SLC27A4: variants seen among roughly 807,000 people sequenced by gnomAD.
SLC27A4 encodes the protein solute carrier family 27 member 4.
A neutral mutation model predicts 64.4 loss-of-function variants in SLC27A4; 33 were observed. The observed-to-expected ratio is 0.51, with a 90% CI of 0.39 to 0.68. SLC27A4 has a LOEUF of 0.68. SLC27A4 is among the 30% of genes least tolerant of loss of function. SLC27A4 has a pLI of 0.00. For missense variants in SLC27A4, 824 were observed against 883.5 expected (o/e 0.93, Z 0.85); for synonymous variants, 377 against 370.0 (o/e 1.02, Z -0.22).
At chr9:128,356,394 G>A (rs1021173728) in intron 12 of SLC27A4, among the ~76,000 whole-genome samples, 8 of 152,256 alleles carry the variant, frequency 5.3e-5, no homozygotes, top group African/African-American at 1.9e-4. Flanking sequence ...CAAGTGAGAG[G>A]GGCAGGCAGT....
intron 12 of SLC27A4, among the ~76,000 whole-genome samples, chr9:128,357,342 A>C (rs1377802144): frequency 6.6e-6 from 1 of 150,972 alleles, no homozygotes; most frequent in Non-Finnish European, 1.5e-5. Context: ...GAGACAGGAG[A>C]ATTGCTTGAA....
Position 128,355,466 on chromosome 9 carries a change from T to C in SLC27A4, c.1531T>C (p.Trp511Arg). 6.2e-7 allele frequency: 1 copy of C among 1,613,476 alleles called. No homozygotes were observed. The highest frequency in any genetic ancestry group is 8.5e-7 in the Non-Finnish European group (1 of 1,179,976). ...AGACCGCACTGGGGACACGTTCCGC[T>C]GGAAAGGTGAGAACGTGTCCACCAC... ...FRDRTGDTFR[W>R]KGENVSTTEV... The change falls in exon 11 of 13, where the codon TGG (tryptophan) becomes CGG (arginine). Residue 511 changes from tryptophan to arginine, a missense_variant. Transcript: ENST00000300456.
chr9:128,361,046 G>A lies in SLC27A4; in HGVS notation c.*555G>A. The A allele has an allele frequency of 6.1e-6, 1 of 164,960 alleles. No individual in the cohort carries two copies. The highest frequency in any genetic ancestry group is 1.3e-5 in the Non-Finnish European group (1 of 74,836). 10.2% of individuals were successfully genotyped at this position (164,960 alleles called of 1,614,324 possible). On this transcript the variant is annotated 3_prime_UTR_variant, in exon 13 of 13. Transcript: ENST00000300456. Reference sequence around the variant, plus strand: ...AGCAGGAGGTCAGGACCACGCCCCTGGCCTCTCCCCACTCCCCCATCCTCC... The same window carrying A: ...AGCAGGAGGTCAGGACCACGCCCCTAGCCTCTCCCCACTCCCCCATCCTCC...
At chr9:128,358,834 C>T (rs1832857876) in intron 12 of SLC27A4, among the ~76,000 whole-genome samples, 1 of 152,210 alleles carries the variant, frequency 6.6e-6, no homozygotes, top group Non-Finnish European at 1.5e-5. Flanking sequence ...CTCATCTCTG[C>T]TCCACGTGGC....
chr9:128,343,431 C>A, intron 2 of SLC27A4, 138 bp downstream of exon 2: 1 of 964,082 alleles, frequency 1.0e-6, no homozygotes, highest in Non-Finnish European at 1.6e-6. Context: ...GCAGCCTCTG[C>A]TCCACACCCG....
chr9:128,350,201 G>A (rs1043327372), intron 4 of SLC27A4, 111 bp from the exon 5 acceptor site: 1 of 819,548 alleles, frequency 1.2e-6, no homozygotes, highest in Non-Finnish European at 2.1e-6. Flanking sequence ...TCCTAGCAAG[G>A]GTGTGATGGG....
chr9:128,341,337 G>C (rs1309496266), intron 1 of SLC27A4, among the ~76,000 whole-genome samples: 1 of 152,182 alleles, frequency 6.6e-6, no homozygotes, highest in African/African-American at 2.4e-5. Flanking sequence ...AGTCCCATCA[G>C]ATGTCCCCTT....
chr9:128,350,596 C>T, intron 6 of SLC27A4, 21 bp downstream of exon 6: 1 of 1,573,368 alleles, frequency 6.4e-7, no homozygotes, highest in Non-Finnish European at 8.7e-7. Context: ...GGCTGTCACA[C>T]AGCCTCCAGC....
intron 12 of SLC27A4, among the ~76,000 whole-genome samples, chr9:128,356,968 C>T (rs1238440279): frequency 1.3e-5 from 2 of 151,988 alleles, no homozygotes; most frequent in Non-Finnish European, 2.9e-5. Context: ...GTGGTGGGCG[C>T]CTGTAGTCCC....
Position 128,345,066 on chromosome 9 carries a change from G to A in SLC27A4, c.162-89G>A. The A allele has an allele frequency of 2.6e-6, 4 of 1,543,928 alleles. No individual in the cohort carries two copies. The South Asian group carries it at 4.5e-5, about 18-fold the overall frequency. On this transcript the variant is annotated intron_variant, in intron 2 of 12. Transcript: ENST00000300456. This position sits in a 1 kb window ranked among gnomAD's most constrained non-coding sequence, Gnocchi z 4.1. The stretch of plus-strand genomic sequence containing the variant: ...TAGGGGGTCTGGCTCATGAAGCATA[G>A]GCTGGCGAGGCAGCAGCCTGGGGTA...
Position 128,361,221 on chromosome 9 carries a change from C to G in SLC27A4, c.*730C>G, listed in dbSNP as rs1439569651. On this transcript the variant is annotated 3_prime_UTR_variant, in exon 13 of 13. Coordinates refer to ENST00000300456, the MANE Select transcript of SLC27A4 (RefSeq NM_005094.4). ...CCAATAAACTCTGCCTTGAGTCCTCCTAGCCTGTGTGCAAACCACCCAAGC... is the reference window on the plus strand; with the variant it reads ...CCAATAAACTCTGCCTTGAGTCCTCGTAGCCTGTGTGCAAACCACCCAAGC... The G allele has an allele frequency of 6.5e-6, 1 of 154,066 alleles. No individual in the cohort carries two copies. Among genetic ancestry groups the G allele is most frequent in the Non-Finnish European group, 1.4e-5 (1 of 69,142 alleles). 9.5% of individuals were successfully genotyped at this position (154,066 alleles called of 1,614,324 possible).
chr9:128,349,379 C>T (rs1832702353), intron 4 of SLC27A4, among the ~76,000 whole-genome samples: 1 of 152,150 alleles, frequency 6.6e-6, no homozygotes, highest in African/African-American at 2.4e-5. Context: ...AGCCTCAGTT[C>T]CCACAGCCAT....
Position 128,350,488 on chromosome 9 carries a change from T to C in SLC27A4, c.790T>C (p.Tyr264His), listed in dbSNP as rs1393780849. The change falls in exon 6 of 13, where the codon TAC becomes CAC. Residue 264 changes from tyrosine to histidine, a missense_variant. Transcript: ENST00000300456. ...CTTGGCCCTGTGCCTTCCCAGGTAT[T>C]ACCGCATGGCTGCCCTGGTGTACTA... ...KAAIVVHSRY[Y>H]RMAALVYYGF... 1 of 1,614,072 alleles carries C rather than the reference T, an allele frequency of 6.2e-7. No homozygotes were observed. Among genetic ancestry groups the C allele is most frequent in the Non-Finnish European group, 8.5e-7 (1 of 1,179,950 alleles).
Position 128,345,036 on chromosome 9 carries a change from TGTTGTA to T in SLC27A4, c.162-117_162-112del. 1 of 1,182,732 alleles carries T rather than the reference TGTTGTA, an allele frequency of 8.5e-7. No individual in the cohort carries two copies. Among genetic ancestry groups the T allele is most frequent in the Non-Finnish European group, 1.2e-6 (1 of 821,634 alleles). 73.3% of individuals were successfully genotyped at this position (1,182,732 alleles called of 1,614,324 possible). ...CCCAGCAGGAGCCAGGAGATAGAAG[TGTTGTA>T]GGGGGTCTGGCTCATGAAGCATAGG... On this transcript the variant is annotated intron_variant, in intron 2 of 12. Transcript: ENST00000300456. This position sits in a 1 kb window ranked among gnomAD's most constrained non-coding sequence, Gnocchi z 4.1.
rs1206123934 is a variant in SLC27A4 at position 128,360,326 on chromosome 9, T to A, written c.1775-8T>A. Reference sequence around the variant, plus strand: ...CCCTGCACTGAGTCTTCTTCCCTGCTCTCCCAGGAACCTACAAGTTCCAGA... The same window carrying A: ...CCCTGCACTGAGTCTTCTTCCCTGCACTCCCAGGAACCTACAAGTTCCAGA... On this transcript the variant is annotated splice_region_variant and splice_polypyrimidine_tract_variant and intron_variant, in intron 12 of 12. Transcript: ENST00000300456. 5.0e-6 allele frequency: 8 copies of A among 1,613,734 alleles called. No individual in the cohort carries two copies. Among genetic ancestry groups the A allele is most frequent in the Non-Finnish European group, 6.8e-6 (8 of 1,180,000 alleles).
At chr9:128,356,730 T>C (rs1832825968) in intron 12 of SLC27A4, among the ~76,000 whole-genome samples, 1 of 149,116 alleles carries the variant, frequency 6.7e-6, no homozygotes, top group Non-Finnish European at 1.5e-5. Context: ...TCATTTGAGG[T>C]CAGGAGTTCG....
Position 128,360,590 on chromosome 9 carries a change from C to A in SLC27A4, c.*99C>A. The stretch of plus-strand genomic sequence containing the variant: ...CAAGGCCAGACCAAAGCAAGCAGGG[C>A]CTGGCACCTCCATCCTGAGGTGCTG... On this transcript the variant is annotated 3_prime_UTR_variant, in exon 13 of 13. Transcript: ENST00000300456. The A allele has an allele frequency of 7.8e-7, 1 of 1,282,114 alleles. No homozygotes were observed. Among genetic ancestry groups the A allele is most frequent in the Non-Finnish European group, 1.1e-6 (1 of 899,680 alleles). 79.4% of individuals were successfully genotyped at this position (1,282,114 alleles called of 1,614,324 possible). A position where few individuals can be genotyped will look rare whatever the true frequency, so the allele number is the denominator to read the frequency against.
chr9:128,351,950 G>A (rs1832743075), intron 6 of SLC27A4, among the ~76,000 whole-genome samples: 2 of 151,186 alleles, frequency 1.3e-5, no homozygotes, highest in African/African-American at 4.9e-5. Flanking sequence ...ACTTTGGGAG[G>A]CCGAGGCGGG....
chr9:128,349,300 C>T (rs2131260149), intron 4 of SLC27A4, among the ~76,000 whole-genome samples: 1 of 152,288 alleles, frequency 6.6e-6, no homozygotes, highest in East Asian at 1.9e-4. Context: ...GCTGTCGAGT[C>T]AGATCCGAGT....
Sources: allele counts gnomAD v4.1 joint callset (sites outside exome capture counted in the v4.1 genomes callset), GRCh38; gene constraint gnomAD v4.1.1; non-coding constraint Gnocchi (gnomAD v3.1); transcripts MANE v1.5; gene names NCBI Gene and HGNC (gene_info 2026-07-23, HGNC 2026-07-21).